The following ZNF292 variants were observed in gnomAD, a reference collection of about 807,000 sequenced individuals.
ZNF292 encodes the protein zinc finger protein 292.
A neutral mutation model predicts 217.9 loss-of-function variants in ZNF292; 26 were observed. That is an observed-to-expected ratio of 0.12 (90% confidence interval 0.09 to 0.17). The LOEUF (loss-of-function observed/expected upper bound fraction) is 0.17. Ranked by LOEUF, ZNF292 falls within the 10% of genes least tolerant of loss-of-function variation. The pLI is 1.00. For synonymous variants in ZNF292, 1,257 were observed against 1,124.1 expected, an observed-to-expected ratio of 1.12 and a Z score of -2.37; for missense variants, 2,904 against 3,175.2, an observed-to-expected ratio of 0.91 and a Z score of 2.05.
At chr6:87,234,515 T>C (rs1773803904) in intron 5 of ZNF292, among the ~76,000 whole-genome samples, 1 of 150,904 alleles carries the variant, frequency 6.6e-6, no homozygotes. Context: ...GCCAAGATCA[T>C]GCCACTGCAC....
intron 4 of ZNF292, among the ~76,000 whole-genome samples, chr6:87,221,149 CTT>C (rs1773065950): frequency 6.6e-6 from 1 of 152,038 alleles, no homozygotes; most frequent in Non-Finnish European, 1.5e-5. Flanking sequence ...GAGAAATACT[CTT>C]TGATTTGGGA....
chr6:87,156,147 T>A (rs571809930), intron 1 of ZNF292, among the ~76,000 whole-genome samples: 1 of 152,374 alleles, frequency 6.6e-6, no homozygotes, highest in African/African-American at 2.4e-5. Context: ...CTCCCGCCTC[T>A]GCGCCTCTGC....
intron 1 of ZNF292, among the ~76,000 whole-genome samples, chr6:87,157,345 T>C (rs1925690): frequency 0.92 from 140,449 of 152,288 alleles, 64,937 homozygotes; most frequent in East Asian, 1. Context: ...GTTTCTCTAC[T>C]TTGCAGTACC....
rs1471861593 is a variant in ZNF292, at chr6:87,245,587, T to C, written c.963T>C (p.Ser321=). 6.4e-7 allele frequency: 1 copy of C among 1,558,708 alleles called. No homozygotes were observed. The highest frequency in any genetic ancestry group is 2.3e-5 in the East Asian group (1 of 44,172). ...QVYLERCRQL[S]LLTKTVYHIF... is the part of the protein sequence containing the mutation. ...ACCTTGAGAGGTGTCGTCAACTTTC[T>C]TTGTTAACGAAAACAGTATATCACA... Residue 321 remains serine, a synonymous_variant, in exon 7 of 8, where the codon TCT becomes TCC. Coordinates refer to ENST00000369577, the MANE Select transcript of ZNF292 (RefSeq NM_015021.3).
At chr6:87,247,403 T>C (rs139928640) in intron 7 of ZNF292, among the ~76,000 whole-genome samples, 181 of 152,214 alleles carry the variant, frequency 1.2e-3, no homozygotes, top group African/African-American at 4.3e-3. Flanking sequence ...CACATATGGA[T>C]GGTAGGGAAT....
At chr6:87,163,370 G>A (rs1028248202) in intron 1 of ZNF292, among the ~76,000 whole-genome samples, 3 of 151,744 alleles carry the variant, frequency 2.0e-5, no homozygotes, top group African/African-American at 7.3e-5. Context: ...AGAATGGTGT[G>A]AACCCAGGAG....
rs745957355 is a variant in ZNF292 at position 87,258,943 on chromosome 6, G to C, written c.5314G>C (p.Glu1772Gln). 7 of 1,612,318 alleles carry C rather than the reference G, an allele frequency of 4.3e-6. No individual in the cohort carries two copies. The highest frequency in any genetic ancestry group is 1.3e-5 in the African/African-American group (1 of 75,018). Residue 1772 changes from glutamate to glutamine, a missense_variant, in exon 8 of 8, where the codon GAG (glutamate) becomes CAG (glutamine). This residue lies in a region of ZNF292 where 622 missense variants were observed against 573.1 expected (regional missense o/e 1.09). Coordinates refer to ENST00000369577, the MANE Select transcript of ZNF292 (RefSeq NM_015021.3). ...AACTGCTATGAATTCTCAAATACTT[G>C]AGGTAAAAAGTGGATCTCAGGGTGC... ...IKTAMNSQIL[E>Q]VKSGSQGAGE...
intron 5 of ZNF292, among the ~76,000 whole-genome samples, chr6:87,238,632 A>T (rs1562164306): frequency 9.1e-6 from 1 of 109,862 alleles, no homozygotes; most frequent in East Asian, 2.7e-4. Context: ...TTTTTCAGTA[A>T]GTATTTATTT....
intron 5 of ZNF292, 64 bp downstream of exon 5, chr6:87,233,591 T>A: frequency 1.3e-6 from 2 of 1,560,288 alleles, no homozygotes. Flanking sequence ...TTAATTAGAA[T>A]GTCTTTGATT....
At position 87,239,936 on chromosome 6, in the gene ZNF292, T is replaced by G. The variant is rs532950830; in HGVS notation, c.742-3539T>G. Among the ~76,000 whole-genome samples, 544 of 150,790 alleles carry G rather than the reference T, an allele frequency of 3.6e-3. 2 individuals are homozygous for G. The highest frequency in any genetic ancestry group is 0.013 in the African/African-American group (523 of 40,934). On this transcript the variant is annotated intron_variant, in intron 5 of 7. Coordinates refer to ENST00000369577, the MANE Select transcript of ZNF292 (RefSeq NM_015021.3). ...GTGGCCAGGCAGAGACGCTCCTCAC[T>G]TCCCAGACGGGGTGGCGGCCGGGCA...
At chr6:87,250,119 A>T (rs1240818018) in intron 7 of ZNF292, among the ~76,000 whole-genome samples, 1 of 151,750 alleles carries the variant, frequency 6.6e-6, no homozygotes, top group Admixed American at 6.6e-5. Flanking sequence ...CTCCATATTC[A>T]TAGGTTCCAC....
rs1016876590 is a variant in ZNF292 at position 87,264,592 on chromosome 6, T to G, written c.*2791T>G. On this transcript the variant is annotated 3_prime_UTR_variant, in exon 8 of 8. Transcript: ENST00000369577. ...TGTAGAAAATATGAGTTTTGAAAGA[T>G]GAATGAATGCTCATTGGTTCAGGGG... 3.3e-5 allele frequency among the ~76,000 whole-genome samples: 5 copies of G among 152,134 alleles called. No individual in the cohort carries two copies. Among genetic ancestry groups the G allele is most frequent in the Non-Finnish European group, 5.9e-5 (4 of 68,028 alleles).
chr6:87,259,894 AAGG>A lies in ZNF292; in HGVS notation c.6271_6273del (p.Glu2091del), dbSNP rs751714624. On this transcript the variant is annotated inframe_deletion, in exon 8 of 8. Coordinates refer to ENST00000369577, the MANE Select transcript of ZNF292 (RefSeq NM_015021.3). Reference sequence around the variant, plus strand: ...GAAGATTAGGAGGCATAAAAAAGAAAAGGAGGAGAAAAAACGAAAGAAGCCAGT... The same window carrying A: ...GAAGATTAGGAGGCATAAAAAAGAAAAGGAGAAAAAACGAAAGAAGCCAGT... The A allele has an allele frequency of 9.9e-6, 16 of 1,613,310 alleles. No homozygotes were observed. The highest frequency in any genetic ancestry group is 1.2e-5 in the Non-Finnish European group (14 of 1,179,610).
chr6:87,218,546 G>T, intron 3 of ZNF292, 50 bp from the exon 4 acceptor site: 2 of 1,452,858 alleles, frequency 1.4e-6, no homozygotes, highest in Non-Finnish European at 1.8e-6. Context: ...TGATAAGCTT[G>T]CTTTTAAAAA....
At chr6:87,230,588 G>C (rs1773600986) in intron 4 of ZNF292, among the ~76,000 whole-genome samples, 2 of 151,996 alleles carry the variant, frequency 1.3e-5, no homozygotes, top group Non-Finnish European at 2.9e-5. Context: ...AAAAAAATTA[G>C]CCGGGCGTGG....
In ZNF292 at chr6:87,233,375, A is replaced by C; in HGVS notation, c.589A>C (p.Lys197Gln). 6.2e-7 allele frequency: 1 copy of C among 1,613,204 alleles called. No homozygotes were observed. Reference sequence around the variant, plus strand: ...TCCCATCTTGTTGGATATGAGAATTAAACATCTAATCAAAACAAATCAGTT... The same window carrying C: ...TCCCATCTTGTTGGATATGAGAATTCAACATCTAATCAAAACAAATCAGTT... ...EGPILLDMRIKHLIKTNQLSQ... is the reference protein window; with the variant it reads ...EGPILLDMRIQHLIKTNQLSQ... Residue 197 changes from lysine (K) to glutamine (Q), a missense_variant, in exon 5 of 8, where the codon AAA becomes CAA. Around this residue, in one of 15 missense-constraint regions of ZNF292, gnomAD observed 313 missense variants for 451.0 expected, o/e 0.69. Transcript: ENST00000369577.
intron 1 of ZNF292, among the ~76,000 whole-genome samples, chr6:87,181,410 C>T (rs547332759): frequency 2.6e-5 from 4 of 152,226 alleles, no homozygotes; most frequent in Non-Finnish European, 4.4e-5. Flanking sequence ...TGCTCTCTGC[C>T]GCTCTCCACC....
Position 87,259,224 on chromosome 6 carries a change from A to T in ZNF292, c.5595A>T (p.Thr1865=), listed in dbSNP as rs1310908324. The T allele has an allele frequency of 6.2e-7, 1 of 1,613,608 alleles. No homozygotes were observed. The highest frequency in any genetic ancestry group is 8.5e-7 in the Non-Finnish European group (1 of 1,179,710). ...CATCCCAATGTGTACTGATAAATAC[A>T]TCAGTGACACTGACTCCCACGCCTG... The part of the protein sequence containing the change: ...TPASQCVLIN[T]SVTLTPTPVK... Residue 1865 remains threonine (T), a synonymous_variant, in exon 8 of 8, where the codon ACA becomes ACT. Coordinates refer to ENST00000369577, the MANE Select transcript of ZNF292 (RefSeq NM_015021.3).
At position 87,261,002 on chromosome 6, in the gene ZNF292, G is replaced by C. The variant is rs768777520; in HGVS notation, c.7373G>C (p.Ser2458Thr). The C allele has an allele frequency of 5.0e-6, 8 of 1,605,680 alleles. No individual in the cohort carries two copies. The Admixed American group carries it at 1.2e-4, about 24-fold the overall frequency. Residue 2458 changes from serine (S) to threonine (T), a missense_variant, in exon 8 of 8, where the codon AGC (serine) becomes ACC (threonine). By Grantham distance (58) the Ser-to-Thr change is moderately conservative. Around this residue, in one of 15 missense-constraint regions of ZNF292, gnomAD observed 380 missense variants for 355.3 expected, o/e 1.07. Coordinates refer to ENST00000369577, the MANE Select transcript of ZNF292 (RefSeq NM_015021.3). The stretch of plus-strand genomic sequence containing the variant: ...GATTCTGACACGTGTGTATCAGAGA[G>C]CAATGATAATTCAAGAACAACAGCT... ...VKDSDTCVSESNDNSRTTATV... is the reference protein window; with the variant it reads ...VKDSDTCVSETNDNSRTTATV...
Sources: gnomAD v4.1 joint callset for allele counts (sites outside exome capture counted in the v4.1 genomes callset) on GRCh38, gnomAD v4.1.1 for gene constraint, gnomAD v4.1.1 regional missense constraint, MANE v1.5 for transcripts, NCBI Gene and HGNC (gene_info 2026-07-23, HGNC 2026-07-21) for gene names.